The following ZGRF1 variants were observed in gnomAD, a reference collection of about 807,000 sequenced individuals.
The protein encoded by ZGRF1 is 5'-3' DNA helicase ZGRF1.
ZGRF1 carries 196 observed loss-of-function variants against 203.5 expected under a neutral mutation model. The observed-to-expected ratio is 0.96, with a 90% CI of 0.86 to 1.08. ZGRF1 has a LOEUF of 1.08. Ranked by LOEUF, ZGRF1 falls within the 50% of genes least tolerant of loss-of-function variation. ZGRF1 has a pLI of 0.00. For synonymous variants in ZGRF1, 809 were observed against 841.3 expected (o/e 0.96, Z 0.66); for missense variants, 2,326 against 2,416.3 (o/e 0.96, Z 0.78).
chr4:112,587,317 C>G lies in ZGRF1; in HGVS notation c.3740G>C (p.Gly1247Ala). 6.2e-7 allele frequency: 1 copy of G among 1,612,444 alleles called. No homozygotes were observed. The highest frequency in any genetic ancestry group is 8.5e-7 in the Non-Finnish European group (1 of 1,179,452). The change falls in exon 12 of 28, where the codon GGG (glycine) becomes GCG (alanine). Residue 1247 changes from glycine (G) to alanine (A), a missense_variant. Transcript: ENST00000505019. ...KTEEIKNVLG[G>A]STCYNYSVKD... The stretch of plus-strand genomic sequence containing the variant: ...TACACTGTAGTTGTAGCAGGTAGAC[C>G]CTCCTAATACATTTTTAATTTCCTC...
intron 10 of ZGRF1, among the ~76,000 whole-genome samples, chr4:112,596,688 G>A (rs1749075215): frequency 6.6e-6 from 1 of 151,978 alleles, no homozygotes; most frequent in Admixed American, 6.6e-5. Flanking sequence ...CTACCTCCCA[G>A]GCTCAAGGGA....
At chr4:112,560,258 G>A (rs917297259) in intron 19 of ZGRF1, among the ~76,000 whole-genome samples, 2 of 152,076 alleles carry the variant, frequency 1.3e-5, no homozygotes, top group African/African-American at 4.8e-5. Context: ...TCCAAAATTA[G>A]GTAAATTGGA....
rs1214260032 is a variant in ZGRF1 at position 112,579,532 on chromosome 4, C to A, written c.4438+2131G>T. 1.6e-5 allele frequency among the ~76,000 whole-genome samples: 2 copies of A among 122,440 alleles called. 1 individual carries two copies. The highest frequency in any genetic ancestry group is 3.6e-5 in the Non-Finnish European group (2 of 54,968). 80.3% of individuals were successfully genotyped at this position (122,440 alleles called of 152,430 possible). On this transcript the variant is annotated intron_variant, in intron 16 of 27. Transcript: ENST00000505019. ...GTATATCTAGAAAACCACATCGTCTCAGCCCAAAATCTCCTTAAGCTGATA... is the reference window on the plus strand; with the variant it reads ...GTATATCTAGAAAACCACATCGTCTAAGCCCAAAATCTCCTTAAGCTGATA...
At chr4:112,581,573 A>G in intron 16 of ZGRF1, 90 bp downstream of exon 16, 1 of 744,698 alleles carries the variant, frequency 1.3e-6, no homozygotes, top group Non-Finnish European at 1.9e-6. Flanking sequence ...AATTTAATAT[A>G]AAATTCTTTA....
intron 4 of ZGRF1, among the ~76,000 whole-genome samples, chr4:112,623,162 C>T (rs1483267646): frequency 1.3e-5 from 2 of 152,172 alleles, no homozygotes; most frequent in African/African-American, 4.8e-5. Context: ...CAGCTCCATC[C>T]ATATTCCTGC....
chr4:112,635,692 A>T lies in ZGRF1; in HGVS notation c.-67+1159T>A, dbSNP rs575651141. Among the ~76,000 whole-genome samples, 4 of 150,840 alleles carry T rather than the reference A, an allele frequency of 2.7e-5. No individual in the cohort carries two copies. In the South Asian group the frequency reaches 8.3e-4, roughly 31 times the overall value. On this transcript the variant is annotated intron_variant, in intron 1 of 27. Transcript: ENST00000505019. The stretch of plus-strand genomic sequence containing the variant: ...CGTGTGTAATTATATATATTTATTG[A>T]TTACATACTATGTATCAGGCAGGAA...
At chr4:112,583,894 C>G in intron 15 of ZGRF1, 84 bp downstream of exon 15, 1 of 858,784 alleles carries the variant, frequency 1.2e-6, no homozygotes, top group Non-Finnish European at 1.7e-6. Flanking sequence ...CTATCTTAAT[C>G]TCTTTTAAAA....
rs902098399 is a variant in ZGRF1, at chr4:112,594,711, C to G, written c.2977-4837G>C. Among the ~76,000 whole-genome samples, 16 of 151,978 alleles carry G rather than the reference C, an allele frequency of 1.1e-4. No homozygotes were observed. The South Asian group carries it at 1.7e-3, about 16-fold the overall frequency. ...CAAATGATCTGCCCACCTCAGCCCC[C>G]CAAAGTGCTGGGATTACAGGTGTGA... is the stretch of plus-strand genomic sequence containing the variant. On this transcript the variant is annotated intron_variant, in intron 10 of 27. Coordinates refer to ENST00000505019, the MANE Select transcript of ZGRF1 (RefSeq NM_018392.5).
At position 112,615,564 on chromosome 4, in the gene ZGRF1, A is replaced by T. The variant is rs183594591; in HGVS notation, c.2602+1876T>A. Among the ~76,000 whole-genome samples the T allele has an allele frequency of 2.0e-3, 304 of 151,462 alleles. 1 individual carries two copies. Among genetic ancestry groups the T allele is most frequent in the African/African-American group, 7.2e-3 (296 of 41,316 alleles). ...TATAATCCCTAAATCTCCATGCTAGAACTTTGTATTCTTATATGGTATCAC... is the reference window on the plus strand; with the variant it reads ...TATAATCCCTAAATCTCCATGCTAGTACTTTGTATTCTTATATGGTATCAC... On this transcript the variant is annotated intron_variant, in intron 6 of 27. Transcript: ENST00000505019.
chr4:112,619,253 T>A lies in ZGRF1; in HGVS notation c.789A>T (p.Ser263=). Residue 263 remains serine, a synonymous_variant, in exon 6 of 28, where the codon TCA becomes TCT. Coordinates refer to ENST00000505019, the MANE Select transcript of ZGRF1 (RefSeq NM_018392.5). ...AATTTAGTTCCTCACATGAACTAGA[T>A]GATTCGGACTTCAGAAGAGCTAATA... The part of the protein sequence containing the change: ...AQILALLKSE[S]SSSCEELNSE... 6.2e-7 allele frequency: 1 copy of A among 1,613,334 alleles called. No homozygotes were observed. Among genetic ancestry groups the A allele is most frequent in the South Asian group, 1.1e-5 (1 of 91,082 alleles).
intron 12 of ZGRF1, 91 bp from the exon 13 acceptor site, chr4:112,586,674 A>C: frequency 9.8e-7 from 1 of 1,025,320 alleles, no homozygotes; most frequent in South Asian, 2.7e-5. Context: ...TTTTTTAAAA[A>C]TATTAATTTT....
In ZGRF1 at chr4:112,618,935, T is replaced by G. The variant is rs1481877820; in HGVS notation, c.1107A>C (p.Gln369His). ...VNSNLKDLSL[Q>H]KIIQFVETYA... ...ACGTTTCAACGAACTGTATAATTTTTTGTAATGAAAGGTCTTTCAAATTAG... is the reference window on the plus strand; with the variant it reads ...ACGTTTCAACGAACTGTATAATTTTGTGTAATGAAAGGTCTTTCAAATTAG... The change falls in exon 6 of 28, where the codon CAA becomes CAC. Residue 369 changes from glutamine (Q) to histidine (H), a missense_variant. Transcript: ENST00000505019. 24 of 1,613,834 alleles carry G rather than the reference T, an allele frequency of 1.5e-5. No homozygotes were observed. The highest frequency in any genetic ancestry group is 2.0e-5 in the Non-Finnish European group (24 of 1,179,924).
In ZGRF1 at chr4:112,624,163, C is replaced by A. The variant is rs78541739; in HGVS notation, c.103-287G>T. ...CTTCGCAATAAATCTTGCTACTGCTCAAAAAAAAAAAAAAAAGGAATTCAA... is the reference window on the plus strand; with the variant it reads ...CTTCGCAATAAATCTTGCTACTGCTAAAAAAAAAAAAAAAAAGGAATTCAA... On this transcript the variant is annotated intron_variant, in intron 3 of 27. Transcript: ENST00000505019. 4.4e-3 allele frequency among the ~76,000 whole-genome samples: 500 copies of A among 113,510 alleles called. No individual in the cohort carries two copies. The highest frequency in any genetic ancestry group is 5.7e-3 in the South Asian group (21 of 3,698). 74.5% of individuals were successfully genotyped at this position (113,510 alleles called of 152,430 possible).
At chr4:112,623,629 T>C (rs1298691057) in intron 4 of ZGRF1, among the ~76,000 whole-genome samples, 188 bp downstream of exon 4, 1 of 152,068 alleles carries the variant, frequency 6.6e-6, no homozygotes, top group Non-Finnish European at 1.5e-5. Context: ...TTTTTTTAGA[T>C]CATAAAAAAT....
chr4:112,624,553 A>G (rs1560882355), intron 3 of ZGRF1, among the ~76,000 whole-genome samples: 1 of 152,102 alleles, frequency 6.6e-6, no homozygotes, highest in Non-Finnish European at 1.5e-5. Flanking sequence ...TTGCAATGGG[A>G]TGGTATACAG....
At chr4:112,567,442 A>C (rs751433596) in intron 16 of ZGRF1, among the ~76,000 whole-genome samples, 10 of 152,188 alleles carry the variant, frequency 6.6e-5, no homozygotes, top group Non-Finnish European at 1.5e-4. Flanking sequence ...GGCCTGATAA[A>C]GAGATGTAAA....
intron 15 of ZGRF1, 137 bp downstream of exon 15, chr4:112,583,841 G>T (rs1437984561): frequency 1.9e-6 from 1 of 521,664 alleles, no homozygotes; most frequent in Non-Finnish European, 3.3e-6. Flanking sequence ...TTCCCATTTT[G>T]CAGGTTTAGA....
intron 10 of ZGRF1, among the ~76,000 whole-genome samples, chr4:112,600,208 T>A (rs1364072949): frequency 2.0e-5 from 3 of 152,018 alleles, no homozygotes; most frequent in Non-Finnish European, 2.9e-5. Flanking sequence ...ATTTTTAAAT[T>A]TTTTTTGTAG....
At chr4:112,631,392 G>A (rs1372659098) in intron 3 of ZGRF1, among the ~76,000 whole-genome samples, 5 of 152,084 alleles carry the variant, frequency 3.3e-5, no homozygotes, top group Non-Finnish European at 5.9e-5. Flanking sequence ...TCACTCAGCC[G>A]GGGGCAGTGG....
Sources: allele counts gnomAD v4.1 joint callset (sites outside exome capture counted in the v4.1 genomes callset), GRCh38; gene constraint gnomAD v4.1.1; transcripts MANE v1.5; gene names NCBI Gene and HGNC (gene_info 2026-07-23, HGNC 2026-07-21).